Variants in GAB2 observed in about 807,000 individuals in gnomAD.
GAB2 encodes the protein GRB2-associated-binding protein 2.
In GAB2, 26 loss-of-function variants were observed where a neutral mutation model predicts 65.5. The observed-to-expected ratio is 0.40, with a 90% CI of 0.29 to 0.55. The LOEUF (loss-of-function observed/expected upper bound fraction) is 0.55, where lower values mean the gene tolerates loss of function less well. Among genes scored for constraint, GAB2 ranks in the 20% least tolerant of loss-of-function variants. GAB2 has a pLI of 0.53. For missense variants in GAB2, 884 were observed against 875.8 expected (o/e 1.01, Z -0.12); for synonymous variants, 321 against 329.6 (o/e 0.97, Z 0.28).
At chr11:78,368,642 T>C (rs1856528546) in intron 1 of GAB2, among the ~76,000 whole-genome samples, 1 of 151,832 alleles carries the variant, frequency 6.6e-6, no homozygotes, top group Non-Finnish European at 1.5e-5. Context: ...CAATTAACCC[T>C]AATAAAAGCT....
chr11:78,326,932 A>C (rs1855833221), intron 1 of GAB2, among the ~76,000 whole-genome samples: 1 of 152,224 alleles, frequency 6.6e-6, no homozygotes, highest in South Asian at 2.1e-4. Flanking sequence ...GGAAAGCCAG[A>C]AAGTGGTGGT....
chr11:78,417,505 C>T (rs931406596), intron 1 of GAB2, 141 bp downstream of exon 1: 5 of 278,392 alleles, frequency 1.8e-5, no homozygotes, highest in South Asian at 1.4e-4. Context: ...GCCCCACACG[C>T]CCCCGGCCGC....
At chr11:78,408,612 G>A (rs917981246) in intron 1 of GAB2, among the ~76,000 whole-genome samples, 1 of 152,194 alleles carries the variant, frequency 6.6e-6, no homozygotes, top group Non-Finnish European at 1.5e-5. Flanking sequence ...CATGCCCCAT[G>A]ATATGGTTTG....
rs1039476772 is a variant in GAB2, at chr11:78,223,615, A to G, written c.1364T>C (p.Met455Thr). Residue 455 changes from methionine (M) to threonine (T), a missense_variant, in exon 6 of 10, where the codon ATG becomes ACG. Transcript: ENST00000361507. ...CAACAGGGTGGAAGAACCTGGATTC[A>G]TGGGCACATAGTTGTCTTCAGAATT... is the stretch of plus-strand genomic sequence containing the variant. The part of the protein sequence containing the change: ...STNSEDNYVP[M>T]NPGSSTLLAM... 1 of 1,613,408 alleles carries G rather than the reference A, an allele frequency of 6.2e-7. No homozygotes were observed. The highest frequency in any genetic ancestry group is 8.5e-7 in the Non-Finnish European group (1 of 1,179,646).
rs538485770 is a variant in GAB2 at position 78,278,068 on chromosome 11, C to CTT, written c.376+2531_376+2532dup. 5.8e-3 allele frequency among the ~76,000 whole-genome samples: 771 copies of CTT among 133,818 alleles called. 8 individuals carry two copies. Among genetic ancestry groups the CTT allele is most frequent in the African/African-American group, 0.02 (732 of 36,494 alleles). 87.8% of individuals were successfully genotyped at this position (133,818 alleles called of 152,430 possible). A position where few individuals can be genotyped will look rare whatever the true frequency, so the allele number is the denominator to read the frequency against. ...TGTTTGTGAAGTTTTTCTTCCCCTG[C>CTT]TTTTTTTTTTTTTTTTTTGAGACAG... On this transcript the variant is annotated intron_variant, in intron 2 of 9. Coordinates refer to ENST00000361507, the MANE Select transcript of GAB2 (RefSeq NM_080491.3).
intron 3 of GAB2, among the ~76,000 whole-genome samples, chr11:78,241,295 A>G (rs771926611): frequency 2.6e-5 from 4 of 152,174 alleles, no homozygotes; most frequent in African/African-American, 7.2e-5. Flanking sequence ...CTAAAACCCA[A>G]CTGCAGGTGA....
intron 1 of GAB2, among the ~76,000 whole-genome samples, chr11:78,348,331 A>G (rs1176392796): frequency 6.6e-6 from 1 of 152,238 alleles, no homozygotes; most frequent in African/African-American, 2.4e-5. Flanking sequence ...AATGTTTAAT[A>G]TATTTCTATC....
intron 1 of GAB2, among the ~76,000 whole-genome samples, chr11:78,376,499 TC>T (rs1250414564): frequency 6.6e-6 from 1 of 152,210 alleles, no homozygotes; most frequent in Non-Finnish European, 1.5e-5. Context: ...GTAATGGGAT[TC>T]AAATACAGAC....
chr11:78,307,635 A>C (rs1855396478), intron 1 of GAB2, among the ~76,000 whole-genome samples: 1 of 150,444 alleles, frequency 6.6e-6, no homozygotes, highest in Non-Finnish European at 1.5e-5. Flanking sequence ...AGAGAGAGAG[A>C]TGTTGAGTCA....
chr11:78,341,841 CT>C (rs1856101963), intron 1 of GAB2: 2 of 985,160 alleles, frequency 2.0e-6, no homozygotes. Context: ...TTACTCCTCT[CT>C]TCAGGGATCT....
At chr11:78,328,503 C>T (rs1039217457) in intron 1 of GAB2, among the ~76,000 whole-genome samples, 22 of 151,992 alleles carry the variant, frequency 1.4e-4, no homozygotes, top group Admixed American at 1.2e-3. Context: ...TCATAATAGC[C>T]AAAAGCTGGA....
intron 3 of GAB2, among the ~76,000 whole-genome samples, chr11:78,238,716 T>C (rs1029921273): frequency 1.3e-5 from 2 of 152,160 alleles, no homozygotes; most frequent in African/African-American, 4.8e-5. Context: ...CTTCATAACA[T>C]TGGATTTGAC....
intron 1 of GAB2, among the ~76,000 whole-genome samples, chr11:78,395,699 A>T (rs1172686109): frequency 6.6e-6 from 1 of 152,210 alleles, no homozygotes; most frequent in Admixed American, 6.5e-5. Flanking sequence ...ACAATTGTTC[A>T]TGTTTGCACC....
At chr11:78,400,194 C>A (rs1856951307) in intron 1 of GAB2, among the ~76,000 whole-genome samples, 1 of 152,202 alleles carries the variant, frequency 6.6e-6, no homozygotes, top group South Asian at 2.1e-4. Flanking sequence ...ACCCCATGTG[C>A]ACCACCTCTT....
intron 1 of GAB2, among the ~76,000 whole-genome samples, chr11:78,350,543 AG>A (rs1243224838): frequency 3.3e-5 from 5 of 152,222 alleles, no homozygotes; most frequent in Non-Finnish European, 5.9e-5. Context: ...TCTGTTATAA[AG>A]CCAGGCGACT....
At chr11:78,229,925 A>T (rs1864791065) in intron 3 of GAB2, among the ~76,000 whole-genome samples, 1 of 152,212 alleles carries the variant, frequency 6.6e-6, no homozygotes, top group Admixed American at 6.5e-5. Flanking sequence ...GGCCATTCTT[A>T]CATCCTCTAC....
At chr11:78,354,076 G>A (rs1196711505) in intron 1 of GAB2, among the ~76,000 whole-genome samples, 1 of 152,168 alleles carries the variant, frequency 6.6e-6, no homozygotes, top group Admixed American at 6.5e-5. Flanking sequence ...GAGAACTACT[G>A]AAATAAGGAA....
chr11:78,417,311 C>T (rs1857211129), intron 1 of GAB2, among the ~76,000 whole-genome samples: 1 of 151,750 alleles, frequency 6.6e-6, no homozygotes, highest in African/African-American at 2.4e-5. Context: ...GAGCCCCAGC[C>T]CCGAGAGTCA....
At position 78,280,820 on chromosome 11, in the gene GAB2, G is replaced by A; in HGVS notation, c.157C>T (p.His53Tyr). The A allele has an allele frequency of 6.2e-7, 1 of 1,613,868 alleles. No homozygotes were observed. The highest frequency in any genetic ancestry group is 8.5e-7 in the Non-Finnish European group (1 of 1,179,726). ...ATGATCCGCAGAGGCTTCTTGGAGT[G>A]ATCGTTCTTGTAGTATTCCAGAACA... ...PDVLEYYKND[H>Y]SKKPLRIINL... is the part of the protein sequence containing the mutation. The change falls in exon 2 of 10, where the codon CAC (histidine) becomes TAC (tyrosine). Residue 53 changes from histidine (H) to tyrosine (Y), a missense_variant. Coordinates refer to ENST00000361507, the MANE Select transcript of GAB2 (RefSeq NM_080491.3).
Sources: gnomAD v4.1 joint callset for allele counts (sites outside exome capture counted in the v4.1 genomes callset) on GRCh38, gnomAD v4.1.1 for gene constraint, MANE v1.5 for transcripts, NCBI Gene and HGNC (gene_info 2026-07-23, HGNC 2026-07-21) for gene names.